MIPOL1: variants seen among roughly 807,000 people sequenced by gnomAD.
MIPOL1 encodes mirror-image polydactyly gene 1 protein.
Under a neutral mutation model 60.9 loss-of-function variants are expected in MIPOL1, and 57 were observed. The observed-to-expected ratio is 0.94, with a 90% CI of 0.76 to 1.17. MIPOL1 has a LOEUF of 1.17. Among genes scored for constraint, MIPOL1 ranks in the 50% most tolerant of loss-of-function variants. MIPOL1 has a pLI of 0.00. For synonymous variants in MIPOL1, 179 were observed against 168.8 expected, an observed-to-expected ratio of 1.06 and a Z score of -0.47; for missense variants, 551 against 511.6, an observed-to-expected ratio of 1.08 and a Z score of -0.74.
rs374248723 is a variant in MIPOL1, at chr14:37,513,586, A to G, written c.1262+13448A>G. Among the ~76,000 whole-genome samples, 149 of 152,270 alleles carry G rather than the reference A, an allele frequency of 9.8e-4. 1 individual carries two copies. The Middle Eastern group carries it at 0.017, about 17-fold the overall frequency. The stretch of plus-strand genomic sequence containing the variant: ...CCTAACCCAGAATATAAGAATTCCA[A>G]TGGAGTGCAAAGTGAAGGATCCAGG... On this transcript the variant is annotated intron_variant, in intron 12 of 12. Coordinates refer to ENST00000684589, the MANE Select transcript of MIPOL1 (RefSeq NM_001388067.1).
At chr14:37,338,773 G>T (rs2090374186) in intron 9 of MIPOL1, among the ~76,000 whole-genome samples, 1 of 152,082 alleles carries the variant, frequency 6.6e-6, no homozygotes, top group Admixed American at 6.6e-5. Context: ...AGCAGTGCTG[G>T]AATAGCTGGG....
intron 1 of MIPOL1, among the ~76,000 whole-genome samples, chr14:37,235,576 G>T (rs1379351235): frequency 5.3e-5 from 8 of 152,100 alleles, no homozygotes; most frequent in Non-Finnish European, 1.2e-4. Context: ...TCTTGTTTGT[G>T]TGTATGTGTA....
chr14:37,334,245 T>C (rs1451315760), intron 9 of MIPOL1, among the ~76,000 whole-genome samples: 3 of 152,076 alleles, frequency 2.0e-5, no homozygotes, highest in Admixed American at 6.5e-5. Flanking sequence ...TCAAAGAATT[T>C]ATTCATCTGG....
At chr14:37,454,158 G>GGA (rs1438555010) in intron 11 of MIPOL1, among the ~76,000 whole-genome samples, 2 of 152,192 alleles carry the variant, frequency 1.3e-5, no homozygotes, top group African/African-American at 4.8e-5. Flanking sequence ...GCTGATTCAT[G>GGA]GAGTCGTGTT....
At chr14:37,206,030 G>C (rs901204273) in intron 1 of MIPOL1, among the ~76,000 whole-genome samples, 2 of 152,176 alleles carry the variant, frequency 1.3e-5, no homozygotes, top group Admixed American at 1.3e-4. Flanking sequence ...CCCATTTTCT[G>C]AGGAGAAATT....
intron 9 of MIPOL1, among the ~76,000 whole-genome samples, chr14:37,312,253 G>A (rs1248831247): frequency 1.3e-5 from 2 of 151,946 alleles, no homozygotes; most frequent in Admixed American, 6.6e-5. Context: ...TATTACAAGC[G>A]GGTGCCACCA....
At chr14:37,249,765 A>G (rs181988151) in intron 3 of MIPOL1, among the ~76,000 whole-genome samples, 4 of 152,248 alleles carry the variant, frequency 2.6e-5, no homozygotes, top group Non-Finnish European at 5.9e-5. Flanking sequence ...TATTCAAGTA[A>G]GTAAGCAGAT....
chr14:37,302,899 C>G (rs2086439432), intron 7 of MIPOL1, among the ~76,000 whole-genome samples: 1 of 151,622 alleles, frequency 6.6e-6, no homozygotes, highest in Non-Finnish European at 1.5e-5. Flanking sequence ...TTTGGCTATT[C>G]TAGATAACCT....
At chr14:37,422,812 C>T in intron 10 of MIPOL1, 43 bp from the exon 11 acceptor site, 1 of 1,333,988 alleles carries the variant, frequency 7.5e-7, no homozygotes, top group Non-Finnish European at 1.1e-6. Flanking sequence ...TTTTATCATA[C>T]CAAAATGAAT....
At chr14:37,376,219 G>T (rs1463775511) in intron 10 of MIPOL1, among the ~76,000 whole-genome samples, 2 of 152,076 alleles carry the variant, frequency 1.3e-5, no homozygotes, top group African/African-American at 4.8e-5. Flanking sequence ...GTTTACATTA[G>T]AATTCACTTG....
chr14:37,342,973 G>A (rs1288861149), intron 9 of MIPOL1, among the ~76,000 whole-genome samples: 1 of 149,592 alleles, frequency 6.7e-6, no homozygotes, highest in Admixed American at 6.7e-5. Context: ...TTTTAGGATT[G>A]TTTATATGTA....
chr14:37,302,747 A>G (rs1239416965), intron 7 of MIPOL1, among the ~76,000 whole-genome samples: 2 of 151,076 alleles, frequency 1.3e-5, no homozygotes, highest in Admixed American at 6.6e-5. Flanking sequence ...AGTTGACTAT[A>G]TATCTGTGGG....
At chr14:37,519,658 C>T (rs1227202652) in intron 12 of MIPOL1, among the ~76,000 whole-genome samples, 16 of 151,936 alleles carry the variant, frequency 1.1e-4, no homozygotes, top group African/African-American at 3.9e-4. Context: ...GAAAAAGACA[C>T]TGTTACAGGG....
intron 1 of MIPOL1, among the ~76,000 whole-genome samples, chr14:37,225,270 C>A (rs1969512310): frequency 6.6e-6 from 1 of 152,146 alleles, no homozygotes; most frequent in Non-Finnish European, 1.5e-5. Context: ...AGGTGGTGCC[C>A]CAGTAGGAAC....
chr14:37,499,871 A>T, intron 11 of MIPOL1, 37 bp from the exon 12 acceptor site: 2 of 1,165,134 alleles, frequency 1.7e-6, no homozygotes, highest in South Asian at 1.6e-5. Flanking sequence ...CTCAGTTTAC[A>T]TTACTTATCT....
At chr14:37,323,001 T>C (rs1222239549) in intron 9 of MIPOL1, among the ~76,000 whole-genome samples, 2 of 152,218 alleles carry the variant, frequency 1.3e-5, no homozygotes, top group East Asian at 3.8e-4. Flanking sequence ...TTATCAATTT[T>C]GGCTCTTGTT....
chr14:37,305,726 A>G (rs186419359), intron 7 of MIPOL1, among the ~76,000 whole-genome samples: 323 of 151,958 alleles, frequency 2.1e-3, no homozygotes, highest in East Asian at 3.9e-3. Flanking sequence ...ACTTGCATCT[A>G]TGCAGATTTT....
chr14:37,514,045 A>G (rs567435901), intron 12 of MIPOL1, among the ~76,000 whole-genome samples: 5 of 152,298 alleles, frequency 3.3e-5, no homozygotes, highest in Non-Finnish European at 4.4e-5. Flanking sequence ...ACTTACGATG[A>G]TCATGTACAT....
At chr14:37,399,087 C>G (rs901395413) in intron 10 of MIPOL1, among the ~76,000 whole-genome samples, 1 of 152,124 alleles carries the variant, frequency 6.6e-6, no homozygotes, top group African/African-American at 2.4e-5. Flanking sequence ...TATAAGGGGC[C>G]AACGCATCTC....
Sources: allele counts gnomAD v4.1 joint callset (sites outside exome capture counted in the v4.1 genomes callset), GRCh38; gene constraint gnomAD v4.1.1; transcripts MANE v1.5; gene names NCBI Gene and HGNC (gene_info 2026-07-23, HGNC 2026-07-21).